The following PRKG1 variants were observed in gnomAD, a reference collection of about 807,000 sequenced individuals.
PRKG1 encodes protein kinase cGMP-dependent 1, also known as cGMP-dependent protein kinase 1.
In PRKG1, 35 loss-of-function variants were observed where a neutral mutation model predicts 88.1. The ratio of observed to expected loss-of-function variants is 0.40; its 90% confidence interval spans 0.30 to 0.53. The LOEUF is 0.53. PRKG1 is among the 20% of genes least tolerant of loss of function. The pLI, the probability that PRKG1 is intolerant of heterozygous loss-of-function variation, is 0.59. For missense variants in PRKG1, 540 were observed against 839.8 expected, an observed-to-expected ratio of 0.64 and a Z score of 4.41; for synonymous variants, 303 against 292.5, an observed-to-expected ratio of 1.04 and a Z score of -0.37.
chr10:52,196,223 A>G (rs931518666), intron 9 of PRKG1, among the ~76,000 whole-genome samples: 1 of 151,922 alleles, frequency 6.6e-6, no homozygotes, highest in African/African-American at 2.4e-5. Context: ...TCACCATGTT[A>G]GCCAGGATGG....
intron 3 of PRKG1, among the ~76,000 whole-genome samples, chr10:51,562,078 G>T (rs576834461): frequency 2.5e-4 from 38 of 152,022 alleles, no homozygotes; most frequent in South Asian, 8.3e-4. Context: ...ACAAAAATTA[G>T]CTGGGCATGG....
chr10:51,125,938 T>C (rs1845387132), intron 1 of PRKG1, among the ~76,000 whole-genome samples: 1 of 132,188 alleles, frequency 7.6e-6, no homozygotes. Context: ...TTATATGATT[T>C]ATAAATATAC....
At chr10:51,797,877 A>T (rs1357817138) in intron 3 of PRKG1, among the ~76,000 whole-genome samples, 1 of 151,818 alleles carries the variant, frequency 6.6e-6, no homozygotes, top group Non-Finnish European at 1.5e-5. Context: ...CTAGGACCTC[A>T]TATCAGTGGA....
At chr10:51,975,330 C>T (rs1843804905) in intron 5 of PRKG1, among the ~76,000 whole-genome samples, 1 of 151,938 alleles carries the variant, frequency 6.6e-6, no homozygotes, top group African/African-American at 2.4e-5. Flanking sequence ...TCGCATGGTC[C>T]ATTATGGATG....
At chr10:51,341,382 T>C (rs1047659093) in intron 2 of PRKG1, among the ~76,000 whole-genome samples, 2 of 152,174 alleles carry the variant, frequency 1.3e-5, no homozygotes, top group African/African-American at 4.8e-5. Flanking sequence ...CTGAGCATGA[T>C]AGAGGCAGAA....
intron 1 of PRKG1, among the ~76,000 whole-genome samples, chr10:51,122,931 T>G (rs1184789257): frequency 6.6e-6 from 1 of 152,182 alleles, no homozygotes; most frequent in Non-Finnish European, 1.5e-5. Flanking sequence ...TATCTATACG[T>G]TTTATTGAGA....
intron 5 of PRKG1, among the ~76,000 whole-genome samples, chr10:52,026,601 G>A (rs924542080): frequency 2.0e-5 from 3 of 152,170 alleles, no homozygotes; most frequent in African/African-American, 7.2e-5. Flanking sequence ...TTCCTTTTAG[G>A]GGTGATGAAA....
intron 2 of PRKG1, among the ~76,000 whole-genome samples, chr10:51,262,881 A>G (rs957217369): frequency 1.3e-5 from 2 of 152,188 alleles, no homozygotes; most frequent in Non-Finnish European, 2.9e-5. Context: ...ATCGCCTCCC[A>G]TCAATCCCCT....
intron 2 of PRKG1, among the ~76,000 whole-genome samples, chr10:51,326,071 C>T (rs1221103994): frequency 6.6e-6 from 1 of 152,204 alleles, no homozygotes; most frequent in Non-Finnish European, 1.5e-5. Context: ...CACTTTTGCA[C>T]TAGGTGTTTG....
At chr10:51,182,471 C>T (rs1055527121) in intron 2 of PRKG1, among the ~76,000 whole-genome samples, 36 of 152,262 alleles carry the variant, frequency 2.4e-4, no homozygotes, top group Admixed American at 2.0e-3. Context: ...CTTTGCATCA[C>T]GTTTCAGCCA....
At chr10:51,737,705 TTTTATTTATTTATTTA>T (rs1009213697) in intron 3 of PRKG1, among the ~76,000 whole-genome samples, 1 of 144,886 alleles carries the variant, frequency 6.9e-6, no homozygotes, top group East Asian at 2.0e-4. Context: ...GACTCTATAT[TTTTATTTATTTATTTA>T]TTTATTTATT....
chr10:51,556,962 ATC>A (rs111628800), intron 3 of PRKG1, among the ~76,000 whole-genome samples: 21,401 of 151,962 alleles, frequency 0.14, 1,605 homozygotes, highest in African/African-American at 0.19. Context: ...TGGAATTTAA[ATC>A]TGTTTTCTTT....
At chr10:51,431,057 G>T (rs957271567) in intron 2 of PRKG1, among the ~76,000 whole-genome samples, 2 of 152,026 alleles carry the variant, frequency 1.3e-5, no homozygotes, top group African/African-American at 4.8e-5. Context: ...TGTACAAATG[G>T]GCAAATTTTA....
chr10:51,450,061 A>G (rs1246549867), intron 2 of PRKG1, among the ~76,000 whole-genome samples: 3 of 152,028 alleles, frequency 2.0e-5, no homozygotes, highest in Non-Finnish European at 4.4e-5. Flanking sequence ...TATTATTCAT[A>G]GATGGTCTCA....
intron 5 of PRKG1, among the ~76,000 whole-genome samples, chr10:52,042,089 G>T (rs557644460): frequency 6.6e-5 from 10 of 152,174 alleles, no homozygotes; most frequent in African/African-American, 2.4e-4. Context: ...AGGATATTCT[G>T]TGTTCATGGA....
At chr10:51,003,730 T>A (rs1010096229) in intron 1 of PRKG1, among the ~76,000 whole-genome samples, 1 of 152,218 alleles carries the variant, frequency 6.6e-6, no homozygotes, top group Non-Finnish European at 1.5e-5. Context: ...TGTTAAACTT[T>A]CCGTATGTTT....
At chr10:52,139,232 T>C (rs1276082727) in intron 8 of PRKG1, among the ~76,000 whole-genome samples, 1 of 152,138 alleles carries the variant, frequency 6.6e-6, no homozygotes, top group Non-Finnish European at 1.5e-5. Context: ...ACTGAATATA[T>C]GTATAGAACC....
intron 2 of PRKG1, among the ~76,000 whole-genome samples, chr10:51,360,623 G>C (rs949717414): frequency 6.6e-6 from 1 of 151,894 alleles, no homozygotes. Context: ...TTATTTCTGA[G>C]CTGTAAAATT....
At chr10:52,073,676 G>C (rs1846559980) in intron 7 of PRKG1, among the ~76,000 whole-genome samples, 1 of 152,124 alleles carries the variant, frequency 6.6e-6, no homozygotes, top group African/African-American at 2.4e-5. Context: ...CAAATACATA[G>C]GCATGTAGAA....
Sources: allele counts gnomAD v4.1 joint callset (sites outside exome capture counted in the v4.1 genomes callset), GRCh38; gene constraint gnomAD v4.1.1; transcripts MANE v1.5; gene names NCBI Gene and HGNC (gene_info 2026-07-23, HGNC 2026-07-21).